Variants in DAB1 observed in about 807,000 individuals in gnomAD.
DAB1 encodes disabled homolog 1.
In DAB1, 15 loss-of-function variants were observed where a neutral mutation model predicts 64.6. The observed-to-expected ratio is 0.23, with a 90% confidence interval of 0.16 to 0.36. The LOEUF (loss-of-function observed/expected upper bound fraction) is 0.36. Ranked by LOEUF, DAB1 falls within the 10% of genes least tolerant of loss-of-function variation. The pLI, the probability that DAB1 is intolerant of heterozygous loss-of-function variation, is 1.00. For missense variants in DAB1, 596 were observed against 706.7 expected, an observed-to-expected ratio of 0.84 and a Z score of 1.78; for synonymous variants, 235 against 251.9, an observed-to-expected ratio of 0.93 and a Z score of 0.64.
At chr1:58,099,866 C>T (rs891764237) in intron 5 of DAB1, among the ~76,000 whole-genome samples, 3 of 152,208 alleles carry the variant, frequency 2.0e-5, no homozygotes, top group Admixed American at 1.3e-4. Flanking sequence ...TTGAACACCA[C>T]TCTGGTCTGT....
At chr1:57,326,813 C>T (rs139437025) in intron 1 of DAB1, among the ~76,000 whole-genome samples, 1 of 152,284 alleles carries the variant, frequency 6.6e-6, no homozygotes, top group African/African-American at 2.4e-5. Flanking sequence ...GAATCCTCAT[C>T]ACCTCCCAAT....
chr1:57,171,786 A>G (rs1463812715), intron 2 of DAB1, among the ~76,000 whole-genome samples: 1 of 152,206 alleles, frequency 6.6e-6, no homozygotes, highest in Non-Finnish European at 1.5e-5. Context: ...TGCTGATTTG[A>G]ATATATTTAA....
chr1:57,702,186 T>C (rs1313364119), intron 6 of DAB1, among the ~76,000 whole-genome samples: 2 of 152,138 alleles, frequency 1.3e-5, no homozygotes, highest in African/African-American at 4.8e-5. Context: ...CACTGTCTGC[T>C]TGGAGTTTTT....
chr1:57,445,574 G>A (rs950424131), intron 7 of DAB1, among the ~76,000 whole-genome samples: 1 of 152,044 alleles, frequency 6.6e-6, no homozygotes, highest in African/African-American at 2.4e-5. Context: ...AATAAATATT[G>A]AGCCAAATCC....
intron 4 of DAB1, among the ~76,000 whole-genome samples, chr1:57,123,041 T>C (rs1452753134): frequency 2.0e-5 from 3 of 152,102 alleles, no homozygotes; most frequent in African/African-American, 7.2e-5. Context: ...GAAAAGAATA[T>C]ATAAATATAT....
chr1:57,712,299 T>G (rs180967488), intron 6 of DAB1, among the ~76,000 whole-genome samples: 18 of 152,200 alleles, frequency 1.2e-4, no homozygotes, highest in Non-Finnish European at 2.2e-4. Flanking sequence ...AAAAATGTAC[T>G]CCTTGTAATT....
rs903428330 is a variant in DAB1 at position 58,457,652 on chromosome 1, C to T, written n.257+48408G>A. Among the ~76,000 whole-genome samples, 2 of 152,196 alleles carry T rather than the reference C, an allele frequency of 1.3e-5. 1 individual carries two copies. Among genetic ancestry groups the T allele is most frequent in the Non-Finnish European group, 2.9e-5 (2 of 68,032 alleles). ...TGGCCTCCCTGTCATGGAGTCTCAT[C>T]ATTAATTAAACCGTCTCTGTTACAG... On this transcript the variant is annotated intron_variant and non_coding_transcript_variant, in intron 3 of 20. Coordinates refer to the DAB1 transcript ENST00000485760.
chr1:58,054,450 T>C (rs1047564058), intron 5 of DAB1, among the ~76,000 whole-genome samples: 1 of 152,222 alleles, frequency 6.6e-6, no homozygotes, highest in African/African-American at 2.4e-5. Flanking sequence ...CAACAGATAC[T>C]CTATTTAAAA....
At chr1:58,020,123 A>G (rs1646795468) in intron 5 of DAB1, among the ~76,000 whole-genome samples, 1 of 152,196 alleles carries the variant, frequency 6.6e-6, no homozygotes, top group African/African-American at 2.4e-5. Context: ...TTCTGCATTA[A>G]GACTTCTGTA....
chr1:57,707,766 T>C (rs1376611802), intron 6 of DAB1, among the ~76,000 whole-genome samples: 2 of 152,182 alleles, frequency 1.3e-5, no homozygotes, highest in African/African-American at 4.8e-5. Context: ...GGGCTTTCTA[T>C]GAATTCAAAG....
intron 3 of DAB1, among the ~76,000 whole-genome samples, chr1:58,366,913 C>T (rs1438326934): frequency 6.6e-6 from 1 of 152,176 alleles, no homozygotes; most frequent in Non-Finnish European, 1.5e-5. Context: ...TAATAGTACA[C>T]ATTAATTGGT....
intron 6 of DAB1, among the ~76,000 whole-genome samples, chr1:57,671,389 T>C (rs916021354): frequency 6.6e-6 from 1 of 152,134 alleles, no homozygotes; most frequent in Middle Eastern, 3.2e-3. Flanking sequence ...AGATTTGATC[T>C]GCAGGCCATT....
At chr1:57,263,076 C>T (rs1352518584) in intron 2 of DAB1, among the ~76,000 whole-genome samples, 1 of 152,118 alleles carries the variant, frequency 6.6e-6, no homozygotes, top group Non-Finnish European at 1.5e-5. Flanking sequence ...GTTAGTTAAG[C>T]CCCTTGGGTC....
chr1:57,687,241 A>G (rs1019175412), intron 6 of DAB1, among the ~76,000 whole-genome samples: 1 of 152,154 alleles, frequency 6.6e-6, no homozygotes, highest in Admixed American at 6.5e-5. Flanking sequence ...CCATTTCTAT[A>G]CACCAGTAAC....
At chr1:57,007,167 GT>G (rs1646103483) in intron 14 of DAB1, among the ~76,000 whole-genome samples, 2 of 152,100 alleles carry the variant, frequency 1.3e-5, no homozygotes, top group Admixed American at 1.3e-4. Flanking sequence ...ACGAAGATCA[GT>G]ATTAAAAAAT....
rs1450388665 is a variant in DAB1 at position 56,996,461 on chromosome 1, A to G, written c.*1683T>C. The G allele has an allele frequency of 6.6e-6, 1 of 152,204 alleles. No homozygotes were observed. The highest frequency in any genetic ancestry group is 1.5e-5 in the Non-Finnish European group (1 of 68,036). 9.4% of individuals were successfully genotyped at this position (152,204 alleles called of 1,614,324 possible). On this transcript the variant is annotated 3_prime_UTR_variant, in exon 15 of 15. Coordinates refer to ENST00000371236, the MANE Select transcript of DAB1 (RefSeq NM_001365792.1). Reference sequence around the variant, plus strand: ...AAATCATGTGCTAAACATACGAACCAAACACTGCACTTTTTGTCTCATAAG... The same window carrying G: ...AAATCATGTGCTAAACATACGAACCGAACACTGCACTTTTTGTCTCATAAG...
intron 2 of DAB1, among the ~76,000 whole-genome samples, chr1:57,155,813 T>C (rs1660166089): frequency 6.6e-6 from 1 of 151,972 alleles, no homozygotes; most frequent in Admixed American, 6.6e-5. Flanking sequence ...CCTTTATTTC[T>C]TTTTCAGATT....
chr1:57,966,393 G>A (rs1406736884), intron 5 of DAB1, among the ~76,000 whole-genome samples: 1 of 152,056 alleles, frequency 6.6e-6, no homozygotes, highest in African/African-American at 2.4e-5. Flanking sequence ...TAAAGAAGCT[G>A]GCGCAACCTG....
At chr1:57,932,118 G>C (rs1644962094) in intron 5 of DAB1, among the ~76,000 whole-genome samples, 1 of 152,192 alleles carries the variant, frequency 6.6e-6, no homozygotes, top group African/African-American at 2.4e-5. Context: ...TTATTTAGAA[G>C]TGTGTTGTTT....
Sources: allele counts gnomAD v4.1 joint callset (sites outside exome capture counted in the v4.1 genomes callset), GRCh38; gene constraint gnomAD v4.1.1; transcripts MANE v1.5; gene names NCBI Gene and HGNC (gene_info 2026-07-23, HGNC 2026-07-21).